Variants in PTPRD observed in about 807,000 individuals in gnomAD.
PTPRD encodes protein tyrosine phosphatase receptor type D.
In PTPRD, 34 loss-of-function variants were observed where a neutral mutation model predicts 214.5. The ratio of observed to expected loss-of-function variants is 0.16; its 90% CI spans 0.12 to 0.21. The LOEUF is 0.21. Ranked by LOEUF, PTPRD falls within the 10% of genes least tolerant of loss-of-function variation. The pLI is 1.00. For missense variants in PTPRD, 2,545 were observed against 2,398.7 expected (o/e 1.06, Z -1.27); for synonymous variants, 1,128 against 845.7 (o/e 1.33, Z -5.79).
intron 11 of PTPRD, among the ~76,000 whole-genome samples, chr9:8,911,415 T>TGTTTGTGTG (rs1555510111): frequency 7.8e-6 from 1 of 127,632 alleles, no homozygotes; most frequent in South Asian, 2.5e-4. Context: ...TGTGTGTGTG[T>TGTTTGTGTG]TGTGTGTGTG....
intron 10 of PTPRD, among the ~76,000 whole-genome samples, chr9:9,156,124 C>A (rs1266139266): frequency 6.6e-6 from 1 of 152,072 alleles, no homozygotes; most frequent in Non-Finnish European, 1.5e-5. Flanking sequence ...GATATACAGG[C>A]ACTATGAGAA....
At chr9:9,339,263 G>A (rs918157936) in intron 9 of PTPRD, among the ~76,000 whole-genome samples, 2 of 151,768 alleles carry the variant, frequency 1.3e-5, no homozygotes, top group African/African-American at 4.8e-5. Flanking sequence ...GGATCACGAG[G>A]TCAGGAGATC....
At chr9:8,456,442 G>T (rs2096205855) in intron 33 of PTPRD, among the ~76,000 whole-genome samples, 1 of 152,104 alleles carries the variant, frequency 6.6e-6, no homozygotes, top group Non-Finnish European at 1.5e-5. Context: ...CAAGCCAAAA[G>T]GAGTGGCAGG....
At chr9:9,943,594 G>A (rs1300997070) in intron 4 of PTPRD, among the ~76,000 whole-genome samples, 2 of 152,080 alleles carry the variant, frequency 1.3e-5, no homozygotes, top group African/African-American at 4.8e-5. Flanking sequence ...TATATTAGAA[G>A]ATATTAGAAG....
At chr9:9,833,680 GA>G (rs112980083) in intron 5 of PTPRD, among the ~76,000 whole-genome samples, 21,435 of 138,474 alleles carry the variant, frequency 0.15, 2,804 homozygotes, top group African/African-American at 0.27. Flanking sequence ...GTACGCTCCG[GA>G]GAGGGGGGCA....
At chr9:8,578,467 T>C (rs2092706591) in intron 14 of PTPRD, among the ~76,000 whole-genome samples, 1 of 152,204 alleles carries the variant, frequency 6.6e-6, no homozygotes, top group Non-Finnish European at 1.5e-5. Flanking sequence ...ATTTGATTCA[T>C]AATTTAATTC....
chr9:9,359,218 T>C (rs1363265600), intron 9 of PTPRD, among the ~76,000 whole-genome samples: 1 of 151,264 alleles, frequency 6.6e-6, no homozygotes, highest in East Asian at 1.9e-4. Context: ...AAGGTAAGCT[T>C]TTTAAAAAGA....
intron 3 of PTPRD, among the ~76,000 whole-genome samples, chr9:10,298,203 A>G (rs916294042): frequency 2.0e-5 from 3 of 152,136 alleles, no homozygotes; most frequent in African/African-American, 4.8e-5. Flanking sequence ...ATAGTTCTTA[A>G]TAGGTTTTTA....
intron 8 of PTPRD, among the ~76,000 whole-genome samples, chr9:9,476,860 C>T (rs978189781): frequency 4.6e-5 from 7 of 152,140 alleles, no homozygotes; most frequent in African/African-American, 1.4e-4. Flanking sequence ...CTCAGACTCC[C>T]GAGTAGCTGA....
chr9:9,249,795 C>T (rs11791447), intron 9 of PTPRD, among the ~76,000 whole-genome samples: 24,216 of 152,006 alleles, frequency 0.16, 2,059 homozygotes, highest in Middle Eastern at 0.24. Context: ...TGATGCCTTA[C>T]ATGTAACTTC....
intron 9 of PTPRD, among the ~76,000 whole-genome samples, chr9:9,191,659 G>C (rs1036118313): frequency 6.6e-6 from 1 of 152,016 alleles, no homozygotes; most frequent in East Asian, 1.9e-4. Flanking sequence ...TGAAAGCAAT[G>C]CTGTAACTCT....
chr9:8,875,144 G>C (rs1176254967), intron 11 of PTPRD, among the ~76,000 whole-genome samples: 1 of 152,170 alleles, frequency 6.6e-6, no homozygotes, highest in Non-Finnish European at 1.5e-5. Flanking sequence ...AGAGTAGACT[G>C]ACAATCACTG....
intron 8 of PTPRD, among the ~76,000 whole-genome samples, chr9:9,518,612 G>C (rs1380076454): frequency 1.3e-5 from 2 of 152,004 alleles, no homozygotes; most frequent in East Asian, 1.9e-4. Flanking sequence ...TGGAGGAATA[G>C]CAAAAACCTG....
intron 2 of PTPRD, among the ~76,000 whole-genome samples, chr9:10,486,099 T>G (rs1370398517): frequency 6.6e-6 from 1 of 151,714 alleles, no homozygotes; most frequent in African/African-American, 2.4e-5. Context: ...ATCAGGTGGG[T>G]GGATTGCAAA....
At chr9:8,360,355 CA>C (rs774447171) in intron 39 of PTPRD, among the ~76,000 whole-genome samples, 5 of 152,236 alleles carry the variant, frequency 3.3e-5, no homozygotes, top group Non-Finnish European at 5.9e-5. Context: ...AATCATTGGT[CA>C]TACTCAAATA....
intron 4 of PTPRD, among the ~76,000 whole-genome samples, chr9:9,940,347 G>A (rs1279891325): frequency 6.6e-6 from 1 of 152,094 alleles, no homozygotes; most frequent in African/African-American, 2.4e-5. Context: ...AACCTCACTG[G>A]AAGCCTGAGT....
intron 27 of PTPRD, among the ~76,000 whole-genome samples, chr9:8,487,958 G>C (rs1044964719): frequency 4.7e-4 from 71 of 152,282 alleles, no homozygotes; most frequent in African/African-American, 1.6e-3. Flanking sequence ...GAGCCAAAGA[G>C]TTTGAGGCTG....
At chr9:8,755,128 C>A (rs73421207) in intron 11 of PTPRD, among the ~76,000 whole-genome samples, 7,635 of 151,770 alleles carry the variant, frequency 0.05, 472 homozygotes, top group African/African-American at 0.15. Flanking sequence ...GTAAAAACTC[C>A]TTTGAAAAAC....
At chr9:9,182,789 T>A (rs186373381) in intron 10 of PTPRD, among the ~76,000 whole-genome samples, 283 of 152,188 alleles carry the variant, frequency 1.9e-3, no homozygotes, top group African/African-American at 6.5e-3. Flanking sequence ...TGTTATTGTT[T>A]AACAAAGATT....
Sources: allele counts gnomAD v4.1 joint callset (sites outside exome capture counted in the v4.1 genomes callset), GRCh38; gene constraint gnomAD v4.1.1; transcripts MANE v1.5; gene names NCBI Gene and HGNC (gene_info 2026-07-23, HGNC 2026-07-21).